RIMBP2: variants seen among roughly 807,000 people sequenced by gnomAD.
RIMBP2 encodes RIMS-binding protein 2.
In RIMBP2, 48 loss-of-function variants were observed where a neutral mutation model predicts 118.6. That is an observed-to-expected ratio of 0.40 (90% CI 0.32 to 0.51). The LOEUF is 0.51. Among genes scored for constraint, RIMBP2 ranks in the 20% least tolerant of loss-of-function variants. The pLI is 0.41. For missense variants in RIMBP2, 1,551 were observed against 1,768.3 expected (o/e 0.88, Z 2.20); for synonymous variants, 762 against 742.9 (o/e 1.03, Z -0.42).
intron 12 of RIMBP2, 30 bp downstream of exon 12, chr12:130,438,335 A>ACCCCAC: frequency 4.6e-6 from 4 of 865,006 alleles, no homozygotes; most frequent in Non-Finnish European, 5.7e-6. Flanking sequence ...GGCCTAACAA[A>ACCCCAC]CCCTCCCCAC....
intron 1 of RIMBP2, among the ~76,000 whole-genome samples, chr12:130,674,141 T>C (rs2064332183): frequency 6.6e-6 from 1 of 151,988 alleles, no homozygotes; most frequent in Non-Finnish European, 1.5e-5. Context: ...AAAAAAAATG[T>C]GTGTGGCGCC....
chr12:130,468,307 A>G (rs1200866700), intron 6 of RIMBP2, among the ~76,000 whole-genome samples: 1 of 152,164 alleles, frequency 6.6e-6, no homozygotes, highest in Non-Finnish European at 1.5e-5. Context: ...CTCAGACCTC[A>G]GTGGCATGAG....
chr12:130,505,441 C>A, intron 4 of RIMBP2, among the ~76,000 whole-genome samples: 1 of 150,834 alleles, frequency 6.6e-6, no homozygotes, highest in Non-Finnish European at 1.5e-5. Context: ...ACCTCATACC[C>A]CTTAGTGGTC....
chr12:130,428,156 G>A, intron 15 of RIMBP2, 23 bp downstream of exon 15: 1 of 1,566,056 alleles, frequency 6.4e-7, no homozygotes. Context: ...GGAGTGCAGG[G>A]TCCCCCTTCC....
chr12:130,615,276 C>CATATATGTGTATATATATAT (rs1555309136), intron 2 of RIMBP2, among the ~76,000 whole-genome samples: 1 of 100,266 alleles, frequency 1.0e-5, no homozygotes, highest in African/African-American at 3.9e-5. Context: ...AATACACATA[C>CATATATGTGTATATATATAT]ATATATATAT....
chr12:130,678,040 C>A (rs1003762630), intron 1 of RIMBP2, among the ~76,000 whole-genome samples: 1 of 152,202 alleles, frequency 6.6e-6, no homozygotes, highest in African/African-American at 2.4e-5. Flanking sequence ...CTTGGCAGAA[C>A]AAAGGACTGT....
At chr12:130,712,336 T>C (rs962278775) in intron 1 of RIMBP2, among the ~76,000 whole-genome samples, 1 of 152,240 alleles carries the variant, frequency 6.6e-6, no homozygotes, top group Non-Finnish European at 1.5e-5. Flanking sequence ...TGTACAGCTG[T>C]ACAAAAATAA....
intron 2 of RIMBP2, among the ~76,000 whole-genome samples, chr12:130,605,940 A>G (rs2060158107): frequency 6.6e-6 from 1 of 151,956 alleles, no homozygotes; most frequent in Admixed American, 6.6e-5. Context: ...TGGTGGTGGG[A>G]GCCTGTAGTC....
At chr12:130,647,872 A>G (rs968015743) in intron 1 of RIMBP2, among the ~76,000 whole-genome samples, 2 of 145,838 alleles carry the variant, frequency 1.4e-5, no homozygotes, top group Non-Finnish European at 3.1e-5. Context: ...GGTCTTCCAC[A>G]TAAGGTTCTC....
rs1043598843 is a variant in RIMBP2 at position 130,578,948 on chromosome 12, G to A, written c.-217+49374C>T. On this transcript the variant is annotated intron_variant, in intron 2 of 22. Transcript: ENST00000690449. The surrounding 1 kb of genome is among the most constrained non-coding windows in gnomAD (Gnocchi z 4.1). ...AAATATGTAAATACAAATCAAGTGG[G>A]ATTAAAAAAAGATGAGAAGTTGTCT... Among the ~76,000 whole-genome samples, 1 of 151,968 alleles carries A rather than the reference G, an allele frequency of 6.6e-6. No homozygotes were observed. Among genetic ancestry groups the A allele is most frequent in the Admixed American group, 6.6e-5 (1 of 15,254 alleles).
intron 2 of RIMBP2, among the ~76,000 whole-genome samples, chr12:130,583,554 C>T (rs111205241): frequency 0.042 from 6,278 of 151,152 alleles, 469 homozygotes; most frequent in African/African-American, 0.14. Flanking sequence ...ATCATCACCA[C>T]GACCATCACC....
At chr12:130,507,789 A>G (rs2050507743) in intron 3 of RIMBP2, among the ~76,000 whole-genome samples, 1 of 152,144 alleles carries the variant, frequency 6.6e-6, no homozygotes, top group Admixed American at 6.5e-5. Context: ...CTCCTCCTCA[A>G]GTGTTATGAT....
chr12:130,666,804 A>T, intron 1 of RIMBP2, among the ~76,000 whole-genome samples: 1 of 72,262 alleles, frequency 1.4e-5, no homozygotes, highest in African/African-American at 4.1e-5. Context: ...GGAGGGAGGA[A>T]GGGAGGGAGG....
chr12:130,435,737 C>G (rs899663970), intron 13 of RIMBP2, among the ~76,000 whole-genome samples: 1 of 152,230 alleles, frequency 6.6e-6, no homozygotes, highest in East Asian at 1.9e-4. Context: ...CAATGTCGAA[C>G]GAATTAGCAA....
At chr12:130,644,751 A>T (rs545975772) in intron 1 of RIMBP2, among the ~76,000 whole-genome samples, 1 of 152,292 alleles carries the variant, frequency 6.6e-6, no homozygotes, top group East Asian at 1.9e-4. Flanking sequence ...TATGGCCACA[A>T]CCACTGCGTT....
intron 1 of RIMBP2, chr12:130,658,072 C>T (rs1408247846): frequency 6.6e-6 from 1 of 152,334 alleles, no homozygotes. Flanking sequence ...CTCCACGACT[C>T]CGTCCCACCT....
At chr12:130,555,270 C>G (rs7956073) in intron 2 of RIMBP2, among the ~76,000 whole-genome samples, 75,196 of 151,776 alleles carry the variant, frequency 0.5, 19,377 homozygotes, top group East Asian at 0.6. Context: ...GGAGAAAGCC[C>G]TCGCAGGAAA....
At chr12:130,504,096 A>C (rs1352134349) in intron 4 of RIMBP2, among the ~76,000 whole-genome samples, 3 of 152,186 alleles carry the variant, frequency 2.0e-5, no homozygotes, top group Non-Finnish European at 4.4e-5. Context: ...TGATTGTTTT[A>C]GGAAACATTC....
intron 2 of RIMBP2, among the ~76,000 whole-genome samples, chr12:130,577,681 C>T (rs553121486): frequency 2.6e-4 from 40 of 152,170 alleles, no homozygotes; most frequent in African/African-American, 9.2e-4. Flanking sequence ...CAAAGCTAAA[C>T]TATATCAGCC....
Sources: allele counts gnomAD v4.1 joint callset (sites outside exome capture counted in the v4.1 genomes callset), GRCh38; gene constraint gnomAD v4.1.1; non-coding constraint Gnocchi (gnomAD v3.1); transcripts MANE v1.5; gene names NCBI Gene and HGNC (gene_info 2026-07-23, HGNC 2026-07-21).